The following PPP1R16B variants were observed in gnomAD, a reference collection of about 807,000 sequenced individuals.
PPP1R16B encodes the protein protein phosphatase 1 regulatory subunit 16B, also known as protein phosphatase 1 regulatory inhibitor subunit 16B.
A neutral mutation model predicts 61.7 loss-of-function variants in PPP1R16B; 14 were observed. The ratio of observed to expected loss-of-function variants is 0.23; its 90% confidence interval spans 0.15 to 0.35. The LOEUF (loss-of-function observed/expected upper bound fraction) is 0.35, where lower values mean the gene tolerates loss of function less well. Ranked by LOEUF, PPP1R16B falls within the 10% of genes least tolerant of loss-of-function variation. The pLI is 1.00. For missense variants in PPP1R16B, 547 were observed against 752.5 expected (o/e 0.73, Z 3.19); for synonymous variants, 266 against 305.3 (o/e 0.87, Z 1.34).
intron 2 of PPP1R16B, among the ~76,000 whole-genome samples, chr20:38,877,101 T>C (rs1388249825): frequency 6.6e-6 from 1 of 152,232 alleles, no homozygotes; most frequent in South Asian, 2.1e-4. Flanking sequence ...TATTCCATTA[T>C]ATGGATGTTT....
intron 2 of PPP1R16B, among the ~76,000 whole-genome samples, chr20:38,856,308 G>T (rs1222059775): frequency 2.0e-5 from 3 of 152,098 alleles, no homozygotes; most frequent in African/African-American, 4.8e-5. Context: ...GACAGCCCCA[G>T]ACCTGGGGTA....
chr20:38,896,183 C>T (rs2085346970), intron 4 of PPP1R16B, among the ~76,000 whole-genome samples: 1 of 120,784 alleles, frequency 8.3e-6, no homozygotes, highest in Admixed American at 8.4e-5. Context: ...TCTTTCTTCC[C>T]TCCCTTCCTT....
chr20:38,883,929 G>A (rs1396373967), intron 2 of PPP1R16B, among the ~76,000 whole-genome samples: 1 of 152,200 alleles, frequency 6.6e-6, no homozygotes, highest in Admixed American at 6.5e-5. Context: ...GGAATAACTT[G>A]CCTAGAGCCG....
intron 3 of PPP1R16B, among the ~76,000 whole-genome samples, chr20:38,892,824 A>G (rs764052315): frequency 2.3e-4 from 35 of 152,212 alleles, no homozygotes; most frequent in Non-Finnish European, 4.3e-4. Context: ...AGAATAAGGC[A>G]GAACATTCAA....
In PPP1R16B at chr20:38,873,332, T is replaced by C. The variant is rs536238599; in HGVS notation, c.251-16263T>C. Among the ~76,000 whole-genome samples the C allele has an allele frequency of 5.8e-4, 88 of 152,300 alleles. 1 individual carries two copies. Among genetic ancestry groups the C allele is most frequent in the Non-Finnish European group, 7.2e-4 (49 of 68,018 alleles). ...CTGGGAGGCCTGGGCTCTTCGGTTC[T>C]CGTGGTGCCCAGCTCAGCGTGATGC... On this transcript the variant is annotated intron_variant, in intron 2 of 10. Transcript: ENST00000299824.
Position 38,900,636 on chromosome 20 carries a change from G to A in PPP1R16B, c.523G>A (p.Glu175Lys), listed in dbSNP as rs139690056. 4.6e-5 allele frequency: 74 copies of A among 1,594,420 alleles called. No individual in the cohort carries two copies. The highest frequency in any genetic ancestry group is 3.9e-4 in the Admixed American group (22 of 56,140). The change falls in exon 5 of 11, where the codon GAG becomes AAG. Residue 175 changes from glutamate to lysine, a missense_variant. Transcript: ENST00000299824. Reference protein sequence around the residue: ...SDGNMPYDLCEDEPTLDVIET... With the variant: ...SDGNMPYDLCKDEPTLDVIET... ...TGGGAACATGCCATATGACCTCTGC[G>A]AGGATGAACCCACCCTGGATGTCAT...
intron 2 of PPP1R16B, among the ~76,000 whole-genome samples, chr20:38,875,846 A>T (rs2085161813): frequency 6.6e-6 from 1 of 151,004 alleles, no homozygotes; most frequent in South Asian, 2.1e-4. Flanking sequence ...ACTGGGCCCG[A>T]TCTGTCTGTT....
chr20:38,894,728 C>T (rs1483602740), intron 3 of PPP1R16B, among the ~76,000 whole-genome samples: 1 of 152,210 alleles, frequency 6.6e-6, no homozygotes, highest in Non-Finnish European at 1.5e-5. Context: ...TTTCTCCTCT[C>T]TCCCGGCCTT....
chr20:38,892,259 G>A (rs559995600), intron 3 of PPP1R16B, among the ~76,000 whole-genome samples: 9 of 152,042 alleles, frequency 5.9e-5, no homozygotes, highest in Non-Finnish European at 1.2e-4. Context: ...ACCTCACATA[G>A]TGCCTCAACT....
intron 1 of PPP1R16B, among the ~76,000 whole-genome samples, chr20:38,827,543 G>A (rs986430968): frequency 9.9e-5 from 15 of 152,210 alleles, no homozygotes; most frequent in Non-Finnish European, 1.9e-4. Flanking sequence ...GCACAGCTGG[G>A]AGAATTGGAG....
chr20:38,880,077 C>A (rs1440632334), intron 2 of PPP1R16B, among the ~76,000 whole-genome samples: 1 of 152,122 alleles, frequency 6.6e-6, no homozygotes, highest in Non-Finnish European at 1.5e-5. Context: ...TTCACTTCTG[C>A]GGTCATCAGA....
At chr20:38,863,434 T>A (rs1254511973) in intron 2 of PPP1R16B, among the ~76,000 whole-genome samples, 1 of 152,004 alleles carries the variant, frequency 6.6e-6, no homozygotes, top group Non-Finnish European at 1.5e-5. Context: ...AAGTGAGGGG[T>A]AATGGAAATG....
At chr20:38,874,528 G>A (rs970454383) in intron 2 of PPP1R16B, among the ~76,000 whole-genome samples, 1 of 152,154 alleles carries the variant, frequency 6.6e-6, no homozygotes, top group Admixed American at 6.5e-5. Context: ...ACCACTACAC[G>A]TGTGTCTTCA....
chr20:38,913,159 C>G (rs550104004), intron 10 of PPP1R16B, among the ~76,000 whole-genome samples: 5 of 152,214 alleles, frequency 3.3e-5, no homozygotes, highest in Non-Finnish European at 7.3e-5. Context: ...ACATGAGCCA[C>G]TGTGCCCCTT....
chr20:38,916,359 CATATATGTTATAT>C (rs1201060298), intron 10 of PPP1R16B, among the ~76,000 whole-genome samples: 2 of 146,194 alleles, frequency 1.4e-5, no homozygotes, highest in Admixed American at 6.9e-5. Flanking sequence ...GTTATATGTA[CATATATGTTATAT>C]ATGTACGTTT....
At chr20:38,887,916 T>C (rs899859381) in intron 2 of PPP1R16B, among the ~76,000 whole-genome samples, 1 of 152,168 alleles carries the variant, frequency 6.6e-6, no homozygotes, top group Non-Finnish European at 1.5e-5. Flanking sequence ...CTCATGAGGA[T>C]GGAGCTGAGG....
chr20:38,867,916 G>T (rs949309837), intron 2 of PPP1R16B, among the ~76,000 whole-genome samples: 2 of 152,146 alleles, frequency 1.3e-5, no homozygotes, highest in African/African-American at 2.4e-5. Context: ...CAGGTGATCC[G>T]CCCATCTTGG....
At chr20:38,824,717 A>G (rs139095538) in intron 1 of PPP1R16B, among the ~76,000 whole-genome samples, 8 of 152,366 alleles carry the variant, frequency 5.3e-5, no homozygotes, top group Non-Finnish European at 1.0e-4. Context: ...TGAACAAACT[A>G]TATGAAAAGT....
intron 2 of PPP1R16B, among the ~76,000 whole-genome samples, chr20:38,840,545 A>G (rs1189008197): frequency 6.6e-6 from 1 of 151,980 alleles, no homozygotes; most frequent in African/African-American, 2.4e-5. Flanking sequence ...ACACCTTTGT[A>G]TATGCAATTC....
Sources: allele counts gnomAD v4.1 joint callset (sites outside exome capture counted in the v4.1 genomes callset), GRCh38; gene constraint gnomAD v4.1.1; transcripts MANE v1.5; gene names NCBI Gene and HGNC (gene_info 2026-07-23, HGNC 2026-07-21).